The following FHOD3 variants were observed in gnomAD, a reference collection of about 807,000 sequenced individuals.
FHOD3 encodes formin homology 2 domain containing 3, also known as FH1/FH2 domain-containing protein 3.
In FHOD3, 90 loss-of-function variants were observed where a neutral mutation model predicts 173.0. The observed-to-expected ratio is 0.52, with a 90% CI of 0.44 to 0.62. FHOD3 has a LOEUF of 0.62. Among genes scored for constraint, FHOD3 ranks in the 20% least tolerant of loss-of-function variants. The probability of loss-of-function intolerance (pLI) is 0.00; values close to 1 mark genes in which losing one functional copy is unlikely to be tolerated. For synonymous variants in FHOD3, 828 were observed against 823.0 expected, an observed-to-expected ratio of 1.01 and a Z score of -0.10; for missense variants, 1,945 against 2,034.7, an observed-to-expected ratio of 0.96 and a Z score of 0.85.
At chr18:36,364,295 C>T (rs1445911612) in intron 2 of FHOD3, among the ~76,000 whole-genome samples, 1 of 152,164 alleles carries the variant, frequency 6.6e-6, no homozygotes, top group African/African-American at 2.4e-5. Context: ...GCTATAGCAT[C>T]CTGACCGCAA....
chr18:36,753,510 G>A (rs897633784), intron 24 of FHOD3, among the ~76,000 whole-genome samples: 16 of 152,180 alleles, frequency 1.1e-4, no homozygotes, highest in Non-Finnish European at 2.1e-4. Context: ...TGTGAATAAT[G>A]CTTCTATGAA....
At chr18:36,513,635 C>T (rs1437951571) in intron 5 of FHOD3, among the ~76,000 whole-genome samples, 1 of 152,102 alleles carries the variant, frequency 6.6e-6, no homozygotes, top group East Asian at 1.9e-4. Context: ...ACAGTCATCT[C>T]AGCTGTTTTG....
intron 15 of FHOD3, among the ~76,000 whole-genome samples, chr18:36,686,471 C>G (rs2038623805): frequency 6.7e-6 from 1 of 150,210 alleles, no homozygotes; most frequent in African/African-American, 2.5e-5. Flanking sequence ...GAGAACAACA[C>G]ACACTGGGGC....
chr18:36,761,447 G>T (rs1047446610), intron 27 of FHOD3, among the ~76,000 whole-genome samples: 1 of 152,164 alleles, frequency 6.6e-6, no homozygotes, highest in African/African-American at 2.4e-5. Context: ...TTCACTGCCT[G>T]CAGGGTGAAG....
chr18:36,430,914 C>T (rs1471216209), intron 3 of FHOD3, among the ~76,000 whole-genome samples: 2 of 152,034 alleles, frequency 1.3e-5, no homozygotes, highest in Non-Finnish European at 2.9e-5. Context: ...CAAAAACCTG[C>T]CATGTTTTCA....
chr18:36,779,127 A>AC, intron 28 of FHOD3: 1 of 366,862 alleles, frequency 2.7e-6, no homozygotes, highest in Admixed American at 4.0e-5. Context: ...TCTGCAGTTC[A>AC]CCCCCTTCTC....
At chr18:36,625,160 C>T (rs1027325578) in intron 9 of FHOD3, among the ~76,000 whole-genome samples, 12 of 152,192 alleles carry the variant, frequency 7.9e-5, no homozygotes, top group South Asian at 2.1e-4. Flanking sequence ...AAAAGAGACA[C>T]GGGTGGGCAA....
At chr18:36,608,654 A>G (rs1358780963) in intron 8 of FHOD3, among the ~76,000 whole-genome samples, 3 of 151,910 alleles carry the variant, frequency 2.0e-5, no homozygotes, top group Non-Finnish European at 2.9e-5. Context: ...TTATACTGAC[A>G]CTCTGAGCTC....
At chr18:36,763,536 A>G (rs1367251208) in intron 27 of FHOD3, among the ~76,000 whole-genome samples, 1 of 140,262 alleles carries the variant, frequency 7.1e-6, no homozygotes, top group African/African-American at 2.7e-5. Context: ...TAATATGTGT[A>G]TTATACACGT....
intron 10 of FHOD3, among the ~76,000 whole-genome samples, chr18:36,635,093 T>C (rs78182352): frequency 0.026 from 3,902 of 152,152 alleles, 178 homozygotes; most frequent in African/African-American, 0.09. Context: ...GAGTGTTGAA[T>C]AGCAAAGGGT....
chr18:36,511,667 C>T (rs888693902), intron 4 of FHOD3, among the ~76,000 whole-genome samples: 2 of 152,194 alleles, frequency 1.3e-5, no homozygotes, highest in Non-Finnish European at 2.9e-5. Context: ...CTAGAGATTC[C>T]TAATCAGGAG....
At chr18:36,506,765 A>G (rs1423214380) in intron 4 of FHOD3, among the ~76,000 whole-genome samples, 1 of 144,744 alleles carries the variant, frequency 6.9e-6, no homozygotes, top group Non-Finnish European at 1.5e-5. Flanking sequence ...ATCAGTGCAC[A>G]TTCAAAACAG....
intron 5 of FHOD3, among the ~76,000 whole-genome samples, chr18:36,520,212 G>A (rs2056207490): frequency 6.6e-6 from 1 of 152,076 alleles, no homozygotes; most frequent in South Asian, 2.1e-4. Context: ...TCCTGCCTTG[G>A]CTTCCCAAAG....
At chr18:36,667,227 A>G (rs1221333524) in intron 14 of FHOD3, among the ~76,000 whole-genome samples, 3 of 152,178 alleles carry the variant, frequency 2.0e-5, no homozygotes, top group African/African-American at 4.8e-5. Context: ...GTCATTCGTC[A>G]CTTAATGATG....
chr18:36,425,638 A>G (rs545164503), intron 3 of FHOD3, among the ~76,000 whole-genome samples: 1 of 152,212 alleles, frequency 6.6e-6, no homozygotes, highest in Non-Finnish European at 1.5e-5. Context: ...AATATAGGAA[A>G]AATTAAAAAG....
chr18:36,556,695 C>T (rs966118156), intron 5 of FHOD3, among the ~76,000 whole-genome samples: 10 of 152,122 alleles, frequency 6.6e-5, no homozygotes, highest in East Asian at 1.9e-4. Flanking sequence ...AAGTAGCCAG[C>T]GACCTTTTAA....
At chr18:36,616,341 T>C (rs1322452841) in intron 9 of FHOD3, among the ~76,000 whole-genome samples, 1 of 152,154 alleles carries the variant, frequency 6.6e-6, no homozygotes, top group African/African-American at 2.4e-5. Flanking sequence ...ATGATGCGGA[T>C]GAATTGCCCA....
chr18:36,556,385 G>A (rs763900960), intron 5 of FHOD3, among the ~76,000 whole-genome samples: 24 of 152,152 alleles, frequency 1.6e-4, no homozygotes, highest in Non-Finnish European at 3.1e-4. Flanking sequence ...CCCACATGGA[G>A]AGAGGGTCAA....
intron 1 of FHOD3, among the ~76,000 whole-genome samples, chr18:36,300,994 G>A (rs1184810153): frequency 1.3e-5 from 2 of 152,076 alleles, no homozygotes; most frequent in Admixed American, 6.5e-5. Context: ...TGCCCACCTC[G>A]GCCTCCCAAA....
Sources: allele counts gnomAD v4.1 joint callset (sites outside exome capture counted in the v4.1 genomes callset), GRCh38; gene constraint gnomAD v4.1.1; transcripts MANE v1.5; gene names NCBI Gene and HGNC (gene_info 2026-07-23, HGNC 2026-07-21).